GSE1: variants seen among roughly 807,000 people sequenced by gnomAD.
GSE1 encodes genetic suppressor element 1.
GSE1 carries 32 observed loss-of-function variants against 112.6 expected under a neutral mutation model. The observed-to-expected ratio is 0.28, with a 90% CI of 0.21 to 0.38. The LOEUF (loss-of-function observed/expected upper bound fraction) is 0.38. GSE1 is among the 10% of genes least tolerant of loss of function. The pLI, the probability that GSE1 is intolerant of heterozygous loss-of-function variation, is 1.00. For synonymous variants in GSE1, 1,115 were observed against 735.6 expected (o/e 1.52, Z -8.35); for missense variants, 2,348 against 1,699.2 (o/e 1.38, Z -6.71).
chr16:85,516,560 A>G (rs2051946693), intron 2 of GSE1, among the ~76,000 whole-genome samples: 1 of 148,020 alleles, frequency 6.8e-6, no homozygotes, highest in African/African-American at 2.5e-5. Flanking sequence ...CCCTCACTCT[A>G]CAAGGCAACA....
intron 2 of GSE1, among the ~76,000 whole-genome samples, chr16:85,379,541 C>G (rs2047499713): frequency 6.6e-6 from 1 of 152,220 alleles, no homozygotes; most frequent in South Asian, 2.1e-4. Flanking sequence ...GTGGTGAGCA[C>G]AGCTCAGGTC....
chr16:85,518,799 C>G (rs2052040062), intron 2 of GSE1, among the ~76,000 whole-genome samples: 1 of 152,136 alleles, frequency 6.6e-6, no homozygotes, highest in Non-Finnish European at 1.5e-5. Flanking sequence ...AGGACCTATC[C>G]TTACGCAAGA....
Position 85,672,725 on chromosome 16 carries a change from T to A in GSE1, c.*186T>A, listed in dbSNP as rs187699920. ...TCACCTTGACGTCAATGCAATTGAA[T>A]CACCGTTGTCATTCAGCGAGCAACC... On this transcript the variant is annotated 3_prime_UTR_variant, in exon 16 of 16. Transcript: ENST00000253458. 4.1e-4 allele frequency: 172 copies of A among 421,984 alleles called. 1 individual carries two copies. Among genetic ancestry groups the A allele is most frequent in the East Asian group, 3.8e-3 (109 of 28,520 alleles). The allele number at this position is 421,984 out of a possible 1,614,324, so 26.1% of individuals were successfully genotyped here.
intron 2 of GSE1, among the ~76,000 whole-genome samples, chr16:85,420,483 C>T (rs1270145246): frequency 6.6e-6 from 1 of 152,022 alleles, no homozygotes; most frequent in Non-Finnish European, 1.5e-5. Context: ...GGAGGAAGTC[C>T]CCGCTGCGGA....
chr16:85,504,460 G>A (rs2051471722), intron 2 of GSE1, among the ~76,000 whole-genome samples: 1 of 152,224 alleles, frequency 6.6e-6, no homozygotes, highest in Admixed American at 6.5e-5. Flanking sequence ...ACACGTGTGT[G>A]TCTTCTGACT....
At chr16:85,284,707 G>A (rs774778831) in intron 1 of GSE1, among the ~76,000 whole-genome samples, 7 of 152,302 alleles carry the variant, frequency 4.6e-5, no homozygotes, top group African/African-American at 1.7e-4. Flanking sequence ...TGGAGGGATC[G>A]TGGGGAAAAT....
intron 2 of GSE1, among the ~76,000 whole-genome samples, chr16:85,519,506 CCGGTCTCCATCATCAT>C (rs1395506009): frequency 0.3 from 2,885 of 9,538 alleles, 1,222 homozygotes; most frequent in Non-Finnish European, 0.43. Context: ...ATCACCATCA[CCGGTCTCCATCATCAT>C]CACCTTCACC....
chr16:85,643,473 C>G (rs930996509), intron 2 of GSE1, among the ~76,000 whole-genome samples: 5 of 152,194 alleles, frequency 3.3e-5, no homozygotes, highest in African/African-American at 7.2e-5. Flanking sequence ...CACCCTTCAC[C>G]CACCCCTCTT....
intron 1 of GSE1, among the ~76,000 whole-genome samples, chr16:85,185,633 TCA>T (rs1442727561): frequency 6.6e-6 from 1 of 152,236 alleles, no homozygotes. Flanking sequence ...TTCCCAGGAC[TCA>T]CATGTCATAA....
chr16:85,607,594 C>G (rs1214137502), upstream of GSE1, among the ~76,000 whole-genome samples: 1 of 152,200 alleles, frequency 6.6e-6, no homozygotes, highest in Non-Finnish European at 1.5e-5. Flanking sequence ...CGGGCCTTAA[C>G]CCTTTCCTGT....
chr16:85,182,449 C>T (rs965424731), intron 1 of GSE1, among the ~76,000 whole-genome samples: 2 of 152,198 alleles, frequency 1.3e-5, no homozygotes, highest in Non-Finnish European at 2.9e-5. Flanking sequence ...CGGCCTGGTC[C>T]CTGCAGGGGG....
intron 2 of GSE1, among the ~76,000 whole-genome samples, chr16:85,387,276 C>A (rs971748186): frequency 6.6e-6 from 1 of 152,128 alleles, no homozygotes; most frequent in African/African-American, 2.4e-5. Flanking sequence ...TCCCCAGAAC[C>A]CCCCACTTTC....
intron 1 of GSE1, among the ~76,000 whole-genome samples, chr16:85,281,262 G>T (rs1161211524): frequency 6.6e-6 from 1 of 152,020 alleles, no homozygotes. Flanking sequence ...ATTAGCTGGG[G>T]ACACAAGAGG....
chr16:85,222,818 G>A (rs562796332), intron 1 of GSE1, among the ~76,000 whole-genome samples: 68 of 152,148 alleles, frequency 4.5e-4, no homozygotes, highest in Non-Finnish European at 9.3e-4. Flanking sequence ...CGCTGCTGAC[G>A]GGCCTCCTCT....
At chr16:85,523,916 G>T (rs532539408) in intron 2 of GSE1, among the ~76,000 whole-genome samples, 1 of 152,212 alleles carries the variant, frequency 6.6e-6, no homozygotes. Context: ...GTGGGAGGGC[G>T]CAGGAGGGGG....
rs2051776823 is a variant in GSE1, at chr16:85,654,856, G to T, written c.662G>T (p.Ser221Ile). ...PSTVTEDYLRSFRPYHTTDDL... is the reference protein window; with the variant it reads ...PSTVTEDYLRIFRPYHTTDDL... Reference sequence around the variant, plus strand: ...ACCGTGACCGAGGACTACCTGAGAAGCTTCCGGCCCTACCACACCACCGAC... The same window carrying T: ...ACCGTGACCGAGGACTACCTGAGAATCTTCCGGCCCTACCACACCACCGAC... The change falls in exon 5 of 16, where the codon AGC becomes ATC. Residue 221 changes from serine to isoleucine, a missense_variant. Physicochemically the swap from Ser to Ile is moderately radical, Grantham distance 142 (BLOSUM62 -2). Transcript: ENST00000253458. The T allele has an allele frequency of 6.2e-7, 1 of 1,611,922 alleles. No homozygotes were observed. Among genetic ancestry groups the T allele is most frequent in the Non-Finnish European group, 8.5e-7 (1 of 1,179,550 alleles).
chr16:85,372,802 G>T (rs1450071828), intron 2 of GSE1, among the ~76,000 whole-genome samples: 1 of 152,020 alleles, frequency 6.6e-6, no homozygotes, highest in Non-Finnish European at 1.5e-5. Context: ...CCCTCGGTGG[G>T]CACCAGTTCA....
At chr16:85,243,513 C>G (rs548594898) in intron 1 of GSE1, among the ~76,000 whole-genome samples, 1 of 152,326 alleles carries the variant, frequency 6.6e-6, no homozygotes, top group East Asian at 1.9e-4. Flanking sequence ...ACGCAGCGAT[C>G]CCAGGAGCCT....
intron 1 of GSE1, among the ~76,000 whole-genome samples, chr16:85,264,921 C>G (rs1908081390): frequency 1.3e-5 from 2 of 152,160 alleles, no homozygotes; most frequent in South Asian, 4.1e-4. Flanking sequence ...TGAGGCCAGG[C>G]AGGTGACTTG....
Sources: allele counts gnomAD v4.1 joint callset (sites outside exome capture counted in the v4.1 genomes callset), GRCh38; gene constraint gnomAD v4.1.1; transcripts MANE v1.5; gene names NCBI Gene and HGNC (gene_info 2026-07-23, HGNC 2026-07-21).